The following COL11A1 variants were observed in gnomAD, a reference collection of about 807,000 sequenced individuals.
The protein encoded by COL11A1 is collagen alpha-1(XI) chain.
COL11A1 carries 74 observed loss-of-function variants against 265.2 expected under a neutral mutation model. The observed-to-expected ratio is 0.28, with a 90% CI of 0.23 to 0.34. The LOEUF is 0.34. Ranked by LOEUF, COL11A1 falls within the 10% of genes least tolerant of loss-of-function variation. COL11A1 has a pLI of 1.00. For missense variants in COL11A1, 2,165 were observed against 2,263.6 expected (o/e 0.96, Z 0.88); for synonymous variants, 816 against 727.6 (o/e 1.12, Z -1.96).
Position 102,897,613 on chromosome 1 carries a change from C to G in COL11A1, c.4302+512G>C, listed in dbSNP as rs564540860. Among the ~76,000 whole-genome samples, 4 of 152,176 alleles carry G rather than the reference C, an allele frequency of 2.6e-5. No homozygotes were observed. In the South Asian group the frequency reaches 8.3e-4, roughly 32 times the overall value. ...CAACAAAATACTTTATTGCATTTCT[C>G]AAGCATGTTGTTTGCACACAGATTT... On this transcript the variant is annotated intron_variant, in intron 57 of 66. Transcript: ENST00000370096.
intron 57 of COL11A1, among the ~76,000 whole-genome samples, chr1:102,895,297 A>C (rs1048870998): frequency 2.0e-5 from 3 of 152,166 alleles, no homozygotes; most frequent in Admixed American, 2.0e-4. Context: ...ATGCTCTGTT[A>C]GATATTTCAA....
At chr1:102,992,126 G>A (rs1000823201) in intron 28 of COL11A1, among the ~76,000 whole-genome samples, 5 of 152,012 alleles carry the variant, frequency 3.3e-5, no homozygotes, top group Non-Finnish European at 7.4e-5. Flanking sequence ...TCAGTCTACA[G>A]GGAGGCTATT....
chr1:102,886,959 A>G lies in COL11A1; in HGVS notation c.4706T>C (p.Ile1569Thr), dbSNP rs767658281. 2 of 1,613,926 alleles carry G rather than the reference A, an allele frequency of 1.2e-6. No individual in the cohort carries two copies. Among genetic ancestry groups the G allele is most frequent in the Non-Finnish European group, 1.7e-6 (2 of 1,179,858 alleles). Residue 1569 changes from isoleucine to threonine, a missense_variant, in exon 63 of 67, where the codon ATT becomes ACT. Ile to Thr is a moderately conservative substitution (Grantham distance 89). Coordinates refer to ENST00000370096, the MANE Select transcript of COL11A1 (RefSeq NM_001854.4). Reference sequence around the variant, plus strand: ...TTCCATTCCATCCGAGTAATCAAGAATATTATCATCTGCATCTGCTTGCAT... The same window carrying G: ...TTCCATTCCATCCGAGTAATCAAGAGTATTATCATCTGCATCTGCTTGCAT... ...EGMQADADDNILDYSDGMEEI... is the reference protein window; with the variant it reads ...EGMQADADDNTLDYSDGMEEI...
intron 5 of COL11A1, among the ~76,000 whole-genome samples, chr1:103,027,398 T>A (rs12738077): frequency 0.17 from 653 of 3,952 alleles, 10 homozygotes; most frequent in East Asian, 0.5. Context: ...AAAACTCTAA[T>A]ATATATATAT....
At chr1:103,078,277 CT>C (rs1672131427) in intron 3 of COL11A1, among the ~76,000 whole-genome samples, 1 of 152,078 alleles carries the variant, frequency 6.6e-6, no homozygotes, top group Non-Finnish European at 1.5e-5. Context: ...TGGCTTCCTG[CT>C]TCTCCTGGAA....
intron 10 of COL11A1, among the ~76,000 whole-genome samples, chr1:103,018,441 T>C (rs1390102321): frequency 6.6e-6 from 1 of 152,160 alleles, no homozygotes; most frequent in Non-Finnish European, 1.5e-5. Context: ...TGATAATTAC[T>C]CCACACAGAG....
At chr1:103,075,466 G>A (rs1432800801) in intron 3 of COL11A1, among the ~76,000 whole-genome samples, 5 of 152,054 alleles carry the variant, frequency 3.3e-5, no homozygotes, top group Admixed American at 6.6e-5. Context: ...CATAGTCAAC[G>A]CATGTGTGGA....
chr1:102,926,129 A>C (rs1656570696), intron 46 of COL11A1, among the ~76,000 whole-genome samples: 1 of 152,102 alleles, frequency 6.6e-6, no homozygotes, highest in Non-Finnish European at 1.5e-5. Context: ...TAAGACAAAA[A>C]ATTATTATTA....
At chr1:102,966,297 A>G (rs1482725600) in intron 37 of COL11A1, among the ~76,000 whole-genome samples, 1 of 152,174 alleles carries the variant, frequency 6.6e-6, no homozygotes, top group Non-Finnish European at 1.5e-5. Context: ...GATAGAAAAT[A>G]TTGGGAGAAG....
chr1:102,916,281 T>C (rs1327708221), intron 49 of COL11A1, among the ~76,000 whole-genome samples: 1 of 152,182 alleles, frequency 6.6e-6, no homozygotes, highest in Non-Finnish European at 1.5e-5. Flanking sequence ...CCTGTTTACA[T>C]ATGAATGGCT....
At chr1:102,898,897 T>C (rs774685591) in intron 55 of COL11A1, 44 bp downstream of exon 55, 3 of 965,546 alleles carry the variant, frequency 3.1e-6, no homozygotes, top group Non-Finnish European at 4.2e-6. Flanking sequence ...ACCTTGTATA[T>C]ATAATATATA....
chr1:102,952,898 GC>G (rs1360092861), intron 41 of COL11A1, among the ~76,000 whole-genome samples: 1 of 152,078 alleles, frequency 6.6e-6, no homozygotes, highest in Non-Finnish European at 1.5e-5. Context: ...TATTTTTTAA[GC>G]AAAAATTTAA....
At chr1:102,961,261 G>GA (rs1005196992) in intron 41 of COL11A1, among the ~76,000 whole-genome samples, 6 of 151,848 alleles carry the variant, frequency 4.0e-5, no homozygotes, top group African/African-American at 1.5e-4. Flanking sequence ...TGTATCTCAA[G>GA]AAAAAAATGA....
intron 31 of COL11A1, among the ~76,000 whole-genome samples, chr1:102,980,048 T>G (rs1368954934): frequency 6.6e-6 from 1 of 152,108 alleles, no homozygotes; most frequent in African/African-American, 2.4e-5. Context: ...GAAGACATAA[T>G]TTTGAGATTT....
intron 41 of COL11A1, among the ~76,000 whole-genome samples, chr1:102,953,085 A>G (rs1461970006): frequency 1.3e-5 from 2 of 152,204 alleles, no homozygotes; most frequent in East Asian, 3.9e-4. Flanking sequence ...CATAAAGAGT[A>G]GGCATATATA....
chr1:103,023,016 G>A lies in COL11A1; in HGVS notation c.991-20C>T, dbSNP rs201983214. 4 of 1,605,866 alleles carry A rather than the reference G, an allele frequency of 2.5e-6. No individual in the cohort carries two copies. Among genetic ancestry groups the A allele is most frequent in the African/African-American group, 2.7e-5 (2 of 74,778 alleles). ...ATTTGGCTATTAATTTAAATTGCAAGGAATTGAGGAACATGAAGTTTATTG... is the reference window on the plus strand; with the variant it reads ...ATTTGGCTATTAATTTAAATTGCAAAGAATTGAGGAACATGAAGTTTATTG... On this transcript the variant is annotated intron_variant, in intron 7 of 66. Transcript: ENST00000370096.
rs146402276 is a variant in COL11A1, at chr1:102,984,001, ACT to A, written c.2556+135_2556+136del. 3.4e-3 allele frequency: 2,142 copies of A among 634,568 alleles called. 30 individuals carry two copies. The African/African-American group carries it at 0.036, about 11-fold the overall frequency. The allele number at this position is 634,568 out of a possible 1,614,324, so 39.3% of individuals were successfully genotyped here. On this transcript the variant is annotated intron_variant, in intron 31 of 66. Coordinates refer to ENST00000370096, the MANE Select transcript of COL11A1 (RefSeq NM_001854.4). Reference sequence around the variant, plus strand: ...CTCCCTGCACTCCAGGCGTCCACACACTCTATGATTTTCCTTGTGAAATTATT... The same window carrying A: ...CTCCCTGCACTCCAGGCGTCCACACACTATGATTTTCCTTGTGAAATTATT...
In COL11A1 at chr1:102,887,027, T is replaced by C; in HGVS notation, c.4638A>G (p.Leu1546=). The change falls in exon 63 of 67, where the codon TTA becomes TTG. Residue 1546 remains leucine, a synonymous_variant. Coordinates refer to ENST00000370096, the MANE Select transcript of COL11A1 (RefSeq NM_001854.4). ...TCGTTTTTTTGGAGGACAAGATTGG[T>C]AAAGGCTGAATGACTTCACCAGGTG... is the stretch of plus-strand genomic sequence containing the variant. The part of the protein sequence containing the change: ...PGPPGEVIQP[L]PILSSKKTRR... 1 of 1,613,836 alleles carries C rather than the reference T, an allele frequency of 6.2e-7. No homozygotes were observed. Among genetic ancestry groups the C allele is most frequent in the Non-Finnish European group, 8.5e-7 (1 of 1,179,810 alleles).
At position 103,025,921 on chromosome 1, in the gene COL11A1, C is replaced by T. The variant is rs569376136; in HGVS notation, c.897+295G>A. 4.3e-6 allele frequency: 7 copies of T among 1,612,504 alleles called. No homozygotes were observed. In the South Asian group the frequency reaches 4.4e-5, roughly 10 times the overall value. On this transcript the variant is annotated intron_variant, in intron 6 of 66. Transcript: ENST00000370096. The stretch of plus-strand genomic sequence containing the variant: ...TTCCTTTGATTTAGTAGCCACTGTC[C>T]TCATCTTCTTTTTGAAATTGGATTT...
Sources: allele counts gnomAD v4.1 joint callset (sites outside exome capture counted in the v4.1 genomes callset), GRCh38; gene constraint gnomAD v4.1.1; transcripts MANE v1.5; gene names NCBI Gene and HGNC (gene_info 2026-07-23, HGNC 2026-07-21).